Variants in CDKL3 observed in about 807,000 individuals in gnomAD.
CDKL3 encodes cyclin dependent kinase like 3.
In CDKL3, 65 loss-of-function variants were observed where a neutral mutation model predicts 69.3. The ratio of observed to expected loss-of-function variants is 0.94; its 90% CI spans 0.77 to 1.15. The LOEUF is 1.15. Among genes scored for constraint, CDKL3 ranks in the 50% most tolerant of loss-of-function variants. The pLI is 0.00. For synonymous variants in CDKL3, 202 were observed against 221.6 expected, an observed-to-expected ratio of 0.91 and a Z score of 0.79; for missense variants, 652 against 689.2, an observed-to-expected ratio of 0.95 and a Z score of 0.61.
In CDKL3 at chr5:134,319,351, AAC is replaced by A; in HGVS notation, c.792+5_792+6del. Reference sequence around the variant, plus strand: ...TCTCCGGGGGAGGAAAAAAAAAAAAAACATACATGAACTATATCTGCCAACAA... The same window carrying A: ...TCTCCGGGGGAGGAAAAAAAAAAAAAATACATGAACTATATCTGCCAACAA... On this transcript the variant is annotated splice_donor_5th_base_variant and intron_variant, in intron 6 of 12. Coordinates refer to ENST00000265334, the MANE Select transcript of CDKL3 (RefSeq NM_001113575.2). The A allele has an allele frequency of 4.0e-6, 6 of 1,504,818 alleles. No homozygotes were observed. Among genetic ancestry groups the A allele is most frequent in the Non-Finnish European group, 5.3e-6 (6 of 1,132,820 alleles). The allele number at this position is 1,504,818 out of a possible 1,614,324, so 93.2% of individuals were successfully genotyped here.
intron 4 of CDKL3, among the ~76,000 whole-genome samples, chr5:134,323,571 TG>T (rs1209094093): frequency 6.6e-6 from 1 of 152,166 alleles, no homozygotes; most frequent in Non-Finnish European, 1.5e-5. Context: ...TGCACAAATG[TG>T]CTCAACTGAT....
intron 3 of CDKL3, among the ~76,000 whole-genome samples, chr5:134,356,146 G>C (rs1754554313): frequency 6.6e-6 from 1 of 152,164 alleles, no homozygotes; most frequent in African/African-American, 2.4e-5. Flanking sequence ...CCTAACTGGG[G>C]GTTATGAGAG....
At chr5:134,302,158 C>T (rs778790158) in intron 12 of CDKL3, 1 of 455,866 alleles carries the variant, frequency 2.2e-6, no homozygotes, top group Non-Finnish European at 4.4e-6. Flanking sequence ...TAGCTGAGAG[C>T]AAATATTTGT....
intron 4 of CDKL3, among the ~76,000 whole-genome samples, chr5:134,342,002 C>T (rs1750620855): frequency 6.6e-6 from 1 of 152,160 alleles, no homozygotes; most frequent in African/African-American, 2.4e-5. Flanking sequence ...AGCTGTTCTC[C>T]TTTCTCTTTC....
At chr5:134,367,958 C>T (rs1757843033), upstream of CDKL3, among the ~76,000 whole-genome samples, 1 of 152,178 alleles carries the variant, frequency 6.6e-6, no homozygotes, top group African/African-American at 2.4e-5. Context: ...CTAGGGAGTG[C>T]TTTCTTTATT....
In CDKL3 at chr5:134,298,474, C is replaced by T; in HGVS notation, c.*177G>A. 2 of 1,381,674 alleles carry T rather than the reference C, an allele frequency of 1.4e-6. No homozygotes were observed. The highest frequency in any genetic ancestry group is 3.7e-5 in the South Asian group (2 of 53,964). 85.6% of individuals were successfully genotyped at this position (1,381,674 alleles called of 1,614,324 possible). A position where few individuals can be genotyped will look rare whatever the true frequency, so the allele number is the denominator to read the frequency against. The stretch of plus-strand genomic sequence containing the variant: ...ATTCCAAATCAAATTATCACATCAA[C>T]AGAGTCTTAAAAGGGAAAAGAAAAC... On this transcript the variant is annotated 3_prime_UTR_variant, in exon 13 of 13. Coordinates refer to ENST00000265334, the MANE Select transcript of CDKL3 (RefSeq NM_001113575.2).
chr5:134,308,343 C>T lies in CDKL3; in HGVS notation c.1159G>A (p.Ala387Thr), dbSNP rs1341362593. 2 of 1,613,902 alleles carry T rather than the reference C, an allele frequency of 1.2e-6. No individual in the cohort carries two copies. Among genetic ancestry groups the T allele is most frequent in the South Asian group, 1.1e-5 (1 of 91,084 alleles). Residue 387 changes from alanine to threonine, a missense_variant, in exon 9 of 13, where the codon GCA becomes ACA. Ala to Thr is a moderately conservative substitution (Grantham distance 58, BLOSUM62 0). Coordinates refer to ENST00000265334, the MANE Select transcript of CDKL3 (RefSeq NM_001113575.2). Reference protein sequence around the residue: ...EYEGGLGQQDANENVHPMSPD... With the variant: ...EYEGGLGQQDTNENVHPMSPD... ...GACATAGGATGAACATTTTCATTTGCATCCTGTTGACCAAGTCCACCTTCA... is the reference window on the plus strand; with the variant it reads ...GACATAGGATGAACATTTTCATTTGTATCCTGTTGACCAAGTCCACCTTCA...
intron 3 of CDKL3, 143 bp downstream of exon 3, chr5:134,359,753 CT>C: frequency 1.6e-6 from 1 of 642,200 alleles, no homozygotes; most frequent in Non-Finnish European, 2.6e-6. Flanking sequence ...GTAGTGCCCC[CT>C]ATTCCCTATC....
At chr5:134,370,665 A>T (rs1338751634), upstream of CDKL3, among the ~76,000 whole-genome samples, 1 of 152,194 alleles carries the variant, frequency 6.6e-6, no homozygotes, top group African/African-American at 2.4e-5. Context: ...ATTTGCCCAG[A>T]ATTTCCAATA....
At chr5:134,324,260 C>G (rs984917057) in intron 4 of CDKL3, among the ~76,000 whole-genome samples, 8 of 152,224 alleles carry the variant, frequency 5.3e-5, no homozygotes, top group African/African-American at 1.9e-4. Context: ...CAAAATTACA[C>G]AGTCACTTTG....
chr5:134,294,643 C>G (rs1193073877), downstream of CDKL3, among the ~76,000 whole-genome samples: 1 of 149,038 alleles, frequency 6.7e-6, no homozygotes, highest in Admixed American at 6.7e-5. Flanking sequence ...TAAGAATAAA[C>G]AAAGAAGATG....
At chr5:134,366,891 T>G in intron 1 of CDKL3, 86 bp downstream of exon 1, 1 of 1,003,124 alleles carries the variant, frequency 1.0e-6, no homozygotes, top group Non-Finnish European at 1.2e-6. Context: ...CCCGCACTAC[T>G]GCAGTCGCCC....
intron 8 of CDKL3, among the ~76,000 whole-genome samples, chr5:134,287,300 A>G (rs1010999762): frequency 1.3e-5 from 2 of 152,210 alleles, no homozygotes; most frequent in African/African-American, 4.8e-5. Context: ...ACTCTGGTGA[A>G]AACAGAACCC....
chr5:134,325,284 C>A (rs1773849834), intron 4 of CDKL3, among the ~76,000 whole-genome samples: 1 of 152,114 alleles, frequency 6.6e-6, no homozygotes, highest in Non-Finnish European at 1.5e-5. Context: ...TATGTGTATG[C>A]ATGTGTGTAT....
intron 6 of CDKL3, among the ~76,000 whole-genome samples, chr5:134,313,567 C>A (rs1770160494): frequency 6.6e-6 from 1 of 151,982 alleles, no homozygotes; most frequent in South Asian, 2.1e-4. Context: ...CAATTAAAAT[C>A]CAGCAAATCC....
chr5:134,320,619 T>A (rs974131512), intron 5 of CDKL3, among the ~76,000 whole-genome samples: 2 of 152,000 alleles, frequency 1.3e-5, no homozygotes, highest in Admixed American at 6.6e-5. Context: ...TTCATGCCTG[T>A]ATTCCCAGCA....
chr5:134,358,381 T>A (rs933536863), intron 3 of CDKL3, among the ~76,000 whole-genome samples: 4 of 152,186 alleles, frequency 2.6e-5, no homozygotes, highest in Non-Finnish European at 5.9e-5. Context: ...TTTTACCTCA[T>A]CTTGGAAGTC....
At chr5:134,359,602 C>A (rs1755508265) in intron 3 of CDKL3, among the ~76,000 whole-genome samples, 1 of 151,892 alleles carries the variant, frequency 6.6e-6, no homozygotes. Flanking sequence ...TTTTAATATA[C>A]TTTCTCTAAT....
downstream of CDKL3, among the ~76,000 whole-genome samples, chr5:134,284,427 G>A (rs1764764745): frequency 6.6e-6 from 1 of 152,124 alleles, no homozygotes; most frequent in Non-Finnish European, 1.5e-5. Flanking sequence ...AAGATCACAA[G>A]GGCAGAGAGG....
Sources: gnomAD v4.1 joint callset for allele counts (sites outside exome capture counted in the v4.1 genomes callset) on GRCh38, gnomAD v4.1.1 for gene constraint, MANE v1.5 for transcripts, NCBI Gene and HGNC (gene_info 2026-07-23, HGNC 2026-07-21) for gene names.